USH2A: variants seen among roughly 807,000 people sequenced by gnomAD.
USH2A encodes usherin.
A neutral mutation model predicts 538.9 loss-of-function variants in USH2A; 443 were observed. That is an observed-to-expected ratio of 0.82 (90% CI 0.76 to 0.89). USH2A has a LOEUF of 0.89. Ranked by LOEUF, USH2A falls within the 40% of genes least tolerant of loss-of-function variation. The pLI is 0.00. For synonymous variants in USH2A, 2,413 were observed against 2,273.5 expected (o/e 1.06, Z -1.75); for missense variants, 6,633 against 6,324.8 (o/e 1.05, Z -1.65).
At chr1:215,845,781 A>G (rs1407057584) in intron 45 of USH2A, 43 bp downstream of exon 45, 1 of 1,591,596 alleles carries the variant, frequency 6.3e-7, no homozygotes, top group South Asian at 1.1e-5. Context: ...AATCAATTTC[A>G]TTCGCATCTC....
intron 35 of USH2A, among the ~76,000 whole-genome samples, chr1:215,991,234 G>A (rs1461307157): frequency 6.6e-6 from 1 of 152,168 alleles, no homozygotes; most frequent in African/African-American, 2.4e-5. Context: ...GGCTAGAAAG[G>A]AAGATATGTT....
intron 37 of USH2A, among the ~76,000 whole-genome samples, chr1:215,939,377 T>G (rs938584625): frequency 6.6e-6 from 1 of 152,148 alleles, no homozygotes; most frequent in Non-Finnish European, 1.5e-5. Context: ...CTCTCCTATT[T>G]TATTTCAAAG....
chr1:215,912,747 A>T (rs1665844718), intron 38 of USH2A, among the ~76,000 whole-genome samples: 2 of 151,970 alleles, frequency 1.3e-5, no homozygotes, highest in Non-Finnish European at 2.9e-5. Flanking sequence ...AGATTATTTC[A>T]TCACCCAGGT....
At chr1:215,999,483 G>T (rs1215709946) in intron 33 of USH2A, among the ~76,000 whole-genome samples, 5 of 152,070 alleles carry the variant, frequency 3.3e-5, no homozygotes, top group Non-Finnish European at 5.9e-5. Flanking sequence ...TGACTGGAAG[G>T]GCTGAAAAAA....
At chr1:215,811,546 A>G (rs1349805752) in intron 49 of USH2A, among the ~76,000 whole-genome samples, 1 of 151,970 alleles carries the variant, frequency 6.6e-6, no homozygotes, top group East Asian at 1.9e-4. Flanking sequence ...GACTCCCTAT[A>G]ATTTTATCCC....
intron 44 of USH2A, among the ~76,000 whole-genome samples, chr1:215,849,653 C>A (rs1216381023): frequency 1.3e-5 from 2 of 152,074 alleles, no homozygotes; most frequent in Non-Finnish European, 2.9e-5. Flanking sequence ...CCAAAATAAT[C>A]ACAATATATC....
At chr1:215,764,068 A>T (rs1331266926) in intron 56 of USH2A, among the ~76,000 whole-genome samples, 1 of 152,102 alleles carries the variant, frequency 6.6e-6, no homozygotes, top group African/African-American at 2.4e-5. Context: ...AGTTTTTGAA[A>T]AACACCTAAA....
intron 61 of USH2A, among the ~76,000 whole-genome samples, chr1:215,692,843 C>T (rs1658662093): frequency 6.6e-6 from 1 of 151,880 alleles, no homozygotes; most frequent in South Asian, 2.1e-4. Flanking sequence ...TCCCCCATGC[C>T]CCAGTTGTTT....
At chr1:215,881,204 G>A (rs564563393) in intron 41 of USH2A, among the ~76,000 whole-genome samples, 234 of 152,214 alleles carry the variant, frequency 1.5e-3, no homozygotes, top group African/African-American at 5.5e-3. Flanking sequence ...GCAGCGGTGC[G>A]ATTTCAGCCC....
chr1:216,069,994 T>A lies in USH2A; in HGVS notation c.6049+107A>T, dbSNP rs938825802. On this transcript the variant is annotated intron_variant, in intron 30 of 71. Coordinates refer to ENST00000307340, the MANE Select transcript of USH2A (RefSeq NM_206933.4). ...GTTGTTTTTAATCAGGTAAAATACA[T>A]GTATATTTAATACATTTTTCTAAAA... is the stretch of plus-strand genomic sequence containing the variant. The A allele has an allele frequency of 4.6e-6, 6 of 1,307,000 alleles. No individual in the cohort carries two copies. In the South Asian group the frequency reaches 5.1e-5, roughly 11 times the overall value. The allele number at this position is 1,307,000 out of a possible 1,614,324, so 81.0% of individuals were successfully genotyped here.
intron 4 of USH2A, among the ~76,000 whole-genome samples, chr1:216,344,688 G>C (rs1343058775): frequency 6.6e-6 from 1 of 151,794 alleles, no homozygotes; most frequent in Non-Finnish European, 1.5e-5. Context: ...AAATGGGTTA[G>C]AGGCCTAATT....
At chr1:215,663,198 A>T (rs1043325504) in intron 64 of USH2A, among the ~76,000 whole-genome samples, 1 of 152,188 alleles carries the variant, frequency 6.6e-6, no homozygotes, top group African/African-American at 2.4e-5. Context: ...GAAATGTCTT[A>T]ACCTGGCTTT....
chr1:215,860,447 CAT>C lies in USH2A; in HGVS notation c.8845+6558_8845+6559del, dbSNP rs570890525. ...ACAAAAGAAAAAAAGTATTTCATGA[CAT>C]GTGAGAATTATTAGGTTGGCGCAAA... On this transcript the variant is annotated intron_variant, in intron 44 of 71. Coordinates refer to ENST00000307340, the MANE Select transcript of USH2A (RefSeq NM_206933.4). 5.3e-5 allele frequency among the ~76,000 whole-genome samples: 8 copies of C among 152,222 alleles called. No homozygotes were observed. The South Asian group carries it at 1.5e-3, about 28-fold the overall frequency.
At chr1:216,078,393 A>G (rs1305546927) in intron 26 of USH2A, 31 bp from the exon 27 acceptor site, 28 of 1,607,752 alleles carry the variant, frequency 1.7e-5, no homozygotes, top group Non-Finnish European at 2.1e-5. Flanking sequence ...GAAAGTAGGT[A>G]TATAAAAAGG....
chr1:215,705,717 G>A (rs1659163311), intron 61 of USH2A, among the ~76,000 whole-genome samples: 1 of 152,144 alleles, frequency 6.6e-6, no homozygotes. Flanking sequence ...ACTAAAGATG[G>A]TAGGGGGCAG....
At chr1:216,374,037 G>A (rs2038766867) in intron 3 of USH2A, among the ~76,000 whole-genome samples, 1 of 147,690 alleles carries the variant, frequency 6.8e-6, no homozygotes, top group Non-Finnish European at 1.5e-5. Context: ...CTCACTCATA[G>A]GTGGGAATTG....
chr1:216,064,663 T>C (rs2031293394), intron 30 of USH2A, among the ~76,000 whole-genome samples: 1 of 152,196 alleles, frequency 6.6e-6, no homozygotes, highest in Non-Finnish European at 1.5e-5. Flanking sequence ...GCAGTGTTTT[T>C]ACTATACCTT....
intron 22 of USH2A, 88 bp downstream of exon 22, chr1:216,096,995 G>T: frequency 7.7e-7 from 1 of 1,304,168 alleles, no homozygotes; most frequent in Non-Finnish European, 1.1e-6. Context: ...TTTGAATGAA[G>T]ATTCAGTGTG....
In USH2A at chr1:216,400,588, C is replaced by A. The variant is rs1167782634; in HGVS notation, c.651+17926G>T. On this transcript the variant is annotated intron_variant, in intron 3 of 71. Transcript: ENST00000307340. ...TAACAAACACATGCAAGAAGCTGAG[C>A]AAATCTCATACAATAGGATAAAACC... Among the ~76,000 whole-genome samples the A allele has an allele frequency of 3.9e-5, 6 of 152,026 alleles. No homozygotes were observed. The South Asian group carries it at 1.2e-3, about 31-fold the overall frequency.
Sources: allele counts gnomAD v4.1 joint callset (sites outside exome capture counted in the v4.1 genomes callset), GRCh38; gene constraint gnomAD v4.1.1; transcripts MANE v1.5; gene names NCBI Gene and HGNC (gene_info 2026-07-23, HGNC 2026-07-21).